EIF4ENIF1: variants seen among roughly 807,000 people sequenced by gnomAD.
EIF4ENIF1 encodes eukaryotic translation initiation factor 4E nuclear import factor 1, also known as eukaryotic translation initiation factor 4E transporter.
In EIF4ENIF1, 23 loss-of-function variants were observed where a neutral mutation model predicts 110.5. That is an observed-to-expected ratio of 0.21 (90% CI 0.15 to 0.29). The LOEUF is 0.29. Among genes scored for constraint, EIF4ENIF1 ranks in the 10% least tolerant of loss-of-function variants. EIF4ENIF1 has a pLI of 1.00. For synonymous variants in EIF4ENIF1, 440 were observed against 437.0 expected (o/e 1.01, Z -0.09); for missense variants, 1,031 against 1,221.1 (o/e 0.84, Z 2.32).
intron 3 of EIF4ENIF1, among the ~76,000 whole-genome samples, chr22:31,468,643 C>T (rs542604627): frequency 6.6e-6 from 1 of 152,318 alleles, no homozygotes; most frequent in African/African-American, 2.4e-5. Context: ...AATCTGCCTG[C>T]CTTGGCTTCC....
At chr22:31,443,156 AG>A in intron 15 of EIF4ENIF1, 62 bp from the exon 16 acceptor site, 1 of 1,587,352 alleles carries the variant, frequency 6.3e-7, no homozygotes, top group South Asian at 1.1e-5. Context: ...ATACTAAGCC[AG>A]GATTAACTTG....
At chr22:31,471,459 C>A (rs973240953) in intron 3 of EIF4ENIF1, among the ~76,000 whole-genome samples, 1 of 152,086 alleles carries the variant, frequency 6.6e-6, no homozygotes, top group African/African-American at 2.4e-5. Flanking sequence ...GGACTACAGG[C>A]GCACGCCACC....
In EIF4ENIF1 at chr22:31,454,137, T is replaced by C. The variant is rs553393597; in HGVS notation, c.1512+7A>G. ...AAAAGGGTGGGGGGTTTGTGTCAGA[T>C]ACTTACGCTGACTTTGGGCTGAGAA... On this transcript the variant is annotated splice_region_variant and intron_variant, in intron 10 of 18. Transcript: ENST00000330125. The C allele has an allele frequency of 6.2e-7, 1 of 1,613,308 alleles. No homozygotes were observed. Among genetic ancestry groups the C allele is most frequent in the African/African-American group, 1.3e-5 (1 of 75,050 alleles).
chr22:31,448,409 C>CAG (rs1406826928), intron 12 of EIF4ENIF1, among the ~76,000 whole-genome samples, 177 bp from the exon 13 acceptor site: 1 of 152,234 alleles, frequency 6.6e-6, no homozygotes, highest in African/African-American at 2.4e-5. Flanking sequence ...GGACCTCAAC[C>CAG]AGAGCACTGT....
At chr22:31,440,480 A>C (rs1344459574) in intron 18 of EIF4ENIF1, among the ~76,000 whole-genome samples, 1 of 152,204 alleles carries the variant, frequency 6.6e-6, no homozygotes, top group Admixed American at 6.5e-5. Flanking sequence ...GCAAAGGAAA[A>C]AGCCAGAAAA....
At chr22:31,487,406 T>G (rs2052073974) in intron 2 of EIF4ENIF1, among the ~76,000 whole-genome samples, 1 of 152,106 alleles carries the variant, frequency 6.6e-6, no homozygotes, top group African/African-American at 2.4e-5. Flanking sequence ...CTTTATCAAG[T>G]AGGTAAGAGT....
At chr22:31,449,251 C>T (rs1026813410) in intron 12 of EIF4ENIF1, 97 bp downstream of exon 12, 37 of 1,299,044 alleles carry the variant, frequency 2.8e-5, no homozygotes, top group Non-Finnish European at 3.6e-5. Context: ...CTCAGGTGAT[C>T]TGCCCACCTC....
At chr22:31,465,323 C>CAAAA (rs544872114) in intron 4 of EIF4ENIF1, among the ~76,000 whole-genome samples, 1 of 60,870 alleles carries the variant, frequency 1.6e-5, no homozygotes. Flanking sequence ...GACTCTGTCT[C>CAAAA]AAAAAAAAAA....
chr22:31,487,839 T>C (rs1026805113), intron 2 of EIF4ENIF1, among the ~76,000 whole-genome samples: 3 of 150,186 alleles, frequency 2.0e-5, no homozygotes, highest in African/African-American at 7.4e-5. Context: ...AGGAAATATA[T>C]GGATGTGTGC....
rs755277463 is a variant in EIF4ENIF1 at position 31,463,138 on chromosome 22, A to C, written c.586-5T>G. 1.2e-6 allele frequency: 2 copies of C among 1,611,950 alleles called. No homozygotes were observed. Among genetic ancestry groups the C allele is most frequent in the African/African-American group, 2.7e-5 (2 of 74,754 alleles). ...CTTACTATCTCCAAACTCTCTCTGG[A>C]AAAGTACATAAAGCAAGATTAAAAA... On this transcript the variant is annotated splice_region_variant and splice_polypyrimidine_tract_variant and intron_variant, in intron 5 of 18. Transcript: ENST00000330125.
chr22:31,452,794 C>A (rs2050714027), intron 10 of EIF4ENIF1, among the ~76,000 whole-genome samples: 1 of 152,212 alleles, frequency 6.6e-6, no homozygotes. Flanking sequence ...CAGGGACATT[C>A]TCCTGCAACT....
chr22:31,454,541 A>C, intron 9 of EIF4ENIF1, 165 bp from the exon 10 acceptor site: 1 of 631,912 alleles, frequency 1.6e-6, no homozygotes, highest in Non-Finnish European at 2.7e-6. Context: ...TTAAAATCAA[A>C]TTGTGTACTA....
chr22:31,443,957 C>G lies in EIF4ENIF1; in HGVS notation c.2073+649G>C, dbSNP rs551591233. The stretch of plus-strand genomic sequence containing the variant: ...GACCACAGATGTGCACCACCATGCC[C>G]GACTAATTTTTTGTATTAGGGGTAG... On this transcript the variant is annotated intron_variant, in intron 15 of 18. Coordinates refer to ENST00000330125, the MANE Select transcript of EIF4ENIF1 (RefSeq NM_019843.4). 5.3e-5 allele frequency among the ~76,000 whole-genome samples: 8 copies of G among 151,926 alleles called. No homozygotes were observed. In the East Asian group the frequency reaches 1.5e-3, roughly 29 times the overall value.
intron 10 of EIF4ENIF1, among the ~76,000 whole-genome samples, chr22:31,452,140 C>A (rs2050693419): frequency 6.6e-6 from 1 of 152,144 alleles, no homozygotes; most frequent in South Asian, 2.1e-4. Flanking sequence ...ATTGAACCAG[C>A]ATGTATTATT....
upstream of EIF4ENIF1, among the ~76,000 whole-genome samples, chr22:31,490,198 C>T (rs1436433822): frequency 6.6e-6 from 1 of 152,258 alleles, no homozygotes; most frequent in Non-Finnish European, 1.5e-5. Context: ...GCACGCCACT[C>T]TCCCGGAGGC....
intron 16 of EIF4ENIF1, 95 bp from the exon 17 acceptor site, chr22:31,442,213 A>G: frequency 1.0e-6 from 1 of 970,164 alleles, no homozygotes; most frequent in Non-Finnish European, 1.6e-6. Context: ...TAAGGTCACA[A>G]TTCTTATCTG....
intron 14 of EIF4ENIF1, 73 bp from the exon 15 acceptor site, chr22:31,444,763 A>G: frequency 7.0e-7 from 1 of 1,420,780 alleles, no homozygotes. Flanking sequence ...ATAATACTCA[A>G]GACCAGCCTA....
intron 2 of EIF4ENIF1, 103 bp from the exon 3 acceptor site, chr22:31,472,020 C>T: frequency 2.3e-6 from 2 of 869,296 alleles, no homozygotes; most frequent in South Asian, 1.8e-5. Context: ...AAACACTTCA[C>T]ACAATTCTTA....
intron 4 of EIF4ENIF1, among the ~76,000 whole-genome samples, chr22:31,466,542 A>G (rs2051194138): frequency 6.6e-6 from 1 of 150,870 alleles, no homozygotes; most frequent in South Asian, 2.1e-4. Context: ...AGACCACGCC[A>G]CTGTACTCCA....
Sources: gnomAD v4.1 joint callset for allele counts (sites outside exome capture counted in the v4.1 genomes callset) on GRCh38, gnomAD v4.1.1 for gene constraint, MANE v1.5 for transcripts, NCBI Gene and HGNC (gene_info 2026-07-23, HGNC 2026-07-21) for gene names.